Variants in CFAP70 observed in about 807,000 individuals in gnomAD.
CFAP70 encodes cilia- and flagella-associated protein 70.
CFAP70 carries 81 observed loss-of-function variants against 137.6 expected under a neutral mutation model. The observed-to-expected ratio is 0.59, with a 90% CI of 0.49 to 0.71. CFAP70 has a LOEUF of 0.71. Ranked by LOEUF, CFAP70 falls within the 30% of genes least tolerant of loss-of-function variation. The pLI is 0.00. For missense variants in CFAP70, 976 were observed against 1,226.7 expected (o/e 0.80, Z 3.05); for synonymous variants, 382 against 423.6 (o/e 0.90, Z 1.20).
At chr10:73,284,737 CACATATATATATATATATATATATATAT>C (rs1443764626) in intron 19 of CFAP70, among the ~76,000 whole-genome samples, 5 of 60,064 alleles carry the variant, frequency 8.3e-5, no homozygotes, top group African/African-American at 3.5e-4. Context: ...TATGACCTGC[CACATATATATATATATATATATATATAT>C]ATATATATAT....
chr10:73,320,670 C>CT (rs113045058), intron 9 of CFAP70, among the ~76,000 whole-genome samples: 168 of 145,174 alleles, frequency 1.2e-3, no homozygotes, highest in Middle Eastern at 3.6e-3. Context: ...AATAATTATC[C>CT]TTTTTTTTTT....
intron 7 of CFAP70, among the ~76,000 whole-genome samples, chr10:73,332,421 C>CT (rs2052204789): frequency 6.6e-6 from 1 of 152,186 alleles, no homozygotes; most frequent in Admixed American, 6.5e-5. Flanking sequence ...AGGGAAACTA[C>CT]TTTACCAGAT....
chr10:73,316,547 T>C (rs954859464), intron 9 of CFAP70, among the ~76,000 whole-genome samples: 12 of 148,272 alleles, frequency 8.1e-5, no homozygotes, highest in Non-Finnish European at 1.6e-4. Context: ...ATATATAATA[T>C]GTATGGACAT....
At chr10:73,282,386 A>C (rs78097876) in intron 19 of CFAP70, among the ~76,000 whole-genome samples, 6,977 of 152,256 alleles carry the variant, frequency 0.046, 491 homozygotes, top group African/African-American at 0.15. Context: ...CAAAAAAAAA[A>C]ACTATGCCAA....
exon 7 of CFAP70, chr10:73,335,461 G>A (rs1293127261): frequency 3.1e-6 from 5 of 1,610,494 alleles, no homozygotes; most frequent in Non-Finnish European, 4.2e-6. Flanking sequence ...AGGTAGCAGC[G>A]ACTTTCCAAG....
At chr10:73,341,479 G>A in exon 6 of CFAP70, 4 of 1,614,174 alleles carry the variant, frequency 2.5e-6, no homozygotes, top group East Asian at 2.2e-5. Flanking sequence ...TTAGCTCCTG[G>A]AGCCAGAATG....
chr10:73,332,774 C>T (rs1163392839), intron 7 of CFAP70, among the ~76,000 whole-genome samples: 1 of 152,048 alleles, frequency 6.6e-6, no homozygotes, highest in Non-Finnish European at 1.5e-5. Context: ...GAAACACAAC[C>T]CAGCTCCTAA....
chr10:73,274,702 CTT>C, intron 22 of CFAP70, 108 bp from the exon 24 acceptor site: 23 of 1,085,048 alleles, frequency 2.1e-5, no homozygotes, highest in Non-Finnish European at 2.9e-5. Context: ...TTTCCTTTCT[CTT>C]TTCTTTTTCA....
In CFAP70 at chr10:73,298,900, G is replaced by A; in HGVS notation, c.1512+7C>T. 1.2e-6 allele frequency: 2 copies of A among 1,613,236 alleles called. No homozygotes were observed. The highest frequency in any genetic ancestry group is 1.3e-5 in the African/African-American group (1 of 74,978). On this transcript the variant is annotated splice_region_variant and intron_variant, in intron 14 of 26. Coordinates refer to ENST00000310715, the Ensembl canonical transcript of CFAP70. The stretch of plus-strand genomic sequence containing the variant: ...CCATGGAGTAATTAAACAAGTGAAT[G>A]TTTTACCTTGAGTTGTTCTTTGAAA...
At chr10:73,309,637 G>A (rs2132075157) in intron 12 of CFAP70, among the ~76,000 whole-genome samples, 1 of 144,012 alleles carries the variant, frequency 6.9e-6, no homozygotes, top group Non-Finnish European at 1.5e-5. Flanking sequence ...ATACTTTCTT[G>A]TTCATCCGTA....
Position 73,345,061 on chromosome 10 carries a change from T to G in CFAP70, c.399+4A>C, listed in dbSNP as rs969876954. ...TCTATAAATATCTGGCAGTAGGGCTTTACCTCTCCAAGTGATGGAACTTGC... is the reference window on the plus strand; with the variant it reads ...TCTATAAATATCTGGCAGTAGGGCTGTACCTCTCCAAGTGATGGAACTTGC... On this transcript the variant is annotated splice_donor_region_variant and intron_variant, in intron 5 of 26. Coordinates refer to ENST00000310715, the Ensembl canonical transcript of CFAP70. The G allele has an allele frequency of 2.4e-5, 38 of 1,613,896 alleles. No homozygotes were observed. Among genetic ancestry groups the G allele is most frequent in the Non-Finnish European group, 3.0e-5 (35 of 1,179,806 alleles).
intron 25 of CFAP70, among the ~76,000 whole-genome samples, chr10:73,260,090 T>C (rs2044998380): frequency 6.6e-6 from 1 of 151,598 alleles, no homozygotes; most frequent in Non-Finnish European, 1.5e-5. Flanking sequence ...CAGAGGCTCA[T>C]GCCTATAATT....
At chr10:73,322,069 C>A (rs1314949828) in intron 9 of CFAP70, among the ~76,000 whole-genome samples, 2 of 152,160 alleles carry the variant, frequency 1.3e-5, no homozygotes. Flanking sequence ...CAGGTGTGAG[C>A]CACCACACCC....
intron 12 of CFAP70, among the ~76,000 whole-genome samples, chr10:73,305,430 T>G (rs1011435373): frequency 1.3e-5 from 2 of 152,194 alleles, no homozygotes; most frequent in Admixed American, 6.5e-5. Flanking sequence ...CAGGACAGGA[T>G]GTATGCTTAA....
intron 15 of CFAP70, chr10:73,294,660 A>G (rs2048405307): frequency 6.6e-6 from 1 of 152,212 alleles, no homozygotes; most frequent in African/African-American, 2.4e-5. Context: ...GCAGTATCTA[A>G]GTTTTCTTCT....
intron 3 of CFAP70, among the ~76,000 whole-genome samples, chr10:73,351,904 C>T (rs7903545): frequency 0.045 from 6,843 of 152,318 alleles, 471 homozygotes; most frequent in African/African-American, 0.15. Context: ...GAGATGCTGC[C>T]TCATTACTGA....
chr10:73,310,700 A>G (rs2049840552), intron 11 of CFAP70, among the ~76,000 whole-genome samples: 1 of 152,210 alleles, frequency 6.6e-6, no homozygotes, highest in South Asian at 2.1e-4. Flanking sequence ...TTTTGCCAGC[A>G]TCCTAAATAC....
intron 4 of CFAP70, 48 bp from the exon 6 acceptor site, chr10:73,345,292 T>C (rs1286093163): frequency 6.5e-7 from 1 of 1,537,192 alleles, no homozygotes; most frequent in Non-Finnish European, 9.0e-7. Context: ...GCCAGAGATC[T>C]TCCTTTTTTG....
At chr10:73,357,509 A>G (rs897084265) in intron 1 of CFAP70, among the ~76,000 whole-genome samples, 10 of 152,210 alleles carry the variant, frequency 6.6e-5, no homozygotes, top group Non-Finnish European at 1.2e-4. Context: ...AAATAGGGAG[A>G]AAATGAGAAG....
Sources: allele counts gnomAD v4.1 joint callset (sites outside exome capture counted in the v4.1 genomes callset), GRCh38; gene constraint gnomAD v4.1.1; transcripts MANE v1.5; gene names NCBI Gene and HGNC (gene_info 2026-07-23, HGNC 2026-07-21).